The following JCAD variants were observed in gnomAD, a reference collection of about 807,000 sequenced individuals.
JCAD encodes junctional cadherin 5-associated protein.
Under a neutral mutation model 98.0 loss-of-function variants are expected in JCAD, and 40 were observed. The observed-to-expected ratio is 0.41, with a 90% CI of 0.32 to 0.53. JCAD has a LOEUF of 0.53. Ranked by LOEUF, JCAD falls within the 20% of genes least tolerant of loss-of-function variation. The pLI is 0.31. For missense variants in JCAD, 1,705 were observed against 1,738.1 expected (o/e 0.98, Z 0.34); for synonymous variants, 691 against 682.3 (o/e 1.01, Z -0.20).
intron 1 of JCAD, among the ~76,000 whole-genome samples, chr10:30,082,543 C>G (rs1838102890): frequency 6.6e-6 from 1 of 151,762 alleles, no homozygotes; most frequent in Non-Finnish European, 1.5e-5. Context: ...ATGGTGAAAC[C>G]CATCTCTACT....
chr10:30,025,722 T>C (rs1351634683), intron 3 of JCAD, among the ~76,000 whole-genome samples: 5 of 151,768 alleles, frequency 3.3e-5, no homozygotes, highest in Admixed American at 2.0e-4. Context: ...ATCTCGTCTC[T>C]ATAAAAAAAT....
In JCAD at chr10:30,028,076, GT is replaced by G; in HGVS notation, c.2071del (p.Thr691HisfsTer28). 6.2e-7 allele frequency: 1 copy of G among 1,614,262 alleles called. No individual in the cohort carries two copies. Reference sequence around the variant, plus strand: ...GGGCTCCTCGGAGAAACTGGTTTGTGTTTGCTGATCTCTGTACCGGTGCCCT... The same window carrying G: ...GGGCTCCTCGGAGAAACTGGTTTGTGTTGCTGATCTCTGTACCGGTGCCCT... ...WPGHRYRDQQ[T>X]QTSFSEEPQS... On this transcript the variant is annotated frameshift_variant, in exon 3 of 4. Transcript: ENST00000375377. LOFTEE classifies it high-confidence loss of function.
At chr10:30,097,250 T>C (rs991695829) in intron 1 of JCAD, among the ~76,000 whole-genome samples, 1 of 152,178 alleles carries the variant, frequency 6.6e-6, no homozygotes, top group African/African-American at 2.4e-5. Flanking sequence ...TAGCCACATG[T>C]GGCTAGTGGC....
intron 1 of JCAD, among the ~76,000 whole-genome samples, chr10:30,058,022 T>C (rs1462068130): frequency 6.6e-6 from 1 of 152,086 alleles, no homozygotes; most frequent in African/African-American, 2.4e-5. Flanking sequence ...ATTCCCAAAG[T>C]TTTACCTGTA....
Position 30,026,259 on chromosome 10 carries a change from C to T in JCAD, c.3889G>A (p.Gly1297Arg), listed in dbSNP as rs568224574. 7.7e-5 allele frequency: 125 copies of T among 1,613,944 alleles called. No homozygotes were observed. In the Admixed American group the frequency reaches 1.1e-3, roughly 15 times the overall value. ...ELKATTRGQA[G>R]LPGGLVSPGS... ...GGAGACACAAGGCCTCCCGGGAGCC[C>T]GGCCTGGCCCCTTGTGGTGGCCTTC... Residue 1297 changes from glycine to arginine, a missense_variant, in exon 3 of 4, where the codon GGG (glycine) becomes AGG (arginine). Gly to Arg is a moderately radical substitution (Grantham distance 125, BLOSUM62 -2). This residue lies in a region of JCAD where 1,278 missense variants were observed against 1,243.1 expected (regional missense o/e 1.03). Coordinates refer to ENST00000375377, the MANE Select transcript of JCAD (RefSeq NM_020848.4).
At chr10:30,098,865 T>C (rs1228730818) in intron 1 of JCAD, among the ~76,000 whole-genome samples, 1 of 152,250 alleles carries the variant, frequency 6.6e-6, no homozygotes, top group African/African-American at 2.4e-5. Flanking sequence ...CCTGATTTTT[T>C]TTAAACCTTT....
In JCAD at chr10:30,021,088, G is replaced by T. The variant is rs184722829; in HGVS notation, c.4046-3171C>A. ...GCTCACACCTTTTTAGTGGTCTTTT[G>T]TGCCAGGCACACTAGAGACACCTCC... is the stretch of plus-strand genomic sequence containing the variant. On this transcript the variant is annotated intron_variant, in intron 3 of 3. Coordinates refer to ENST00000375377, the MANE Select transcript of JCAD (RefSeq NM_020848.4). 3.9e-5 allele frequency among the ~76,000 whole-genome samples: 6 copies of T among 152,274 alleles called. No individual in the cohort carries two copies. The East Asian group carries it at 1.2e-3, about 29-fold the overall frequency.
upstream of JCAD, among the ~76,000 whole-genome samples, chr10:30,064,331 C>G (rs908371121): frequency 6.6e-6 from 1 of 152,132 alleles, no homozygotes; most frequent in African/African-American, 2.4e-5. Context: ...TCTGCAGAGT[C>G]CCCACCTGCA....
chr10:30,101,531 A>T (rs1838470680), intron 1 of JCAD, among the ~76,000 whole-genome samples: 1 of 151,978 alleles, frequency 6.6e-6, no homozygotes, highest in African/African-American at 2.4e-5. Flanking sequence ...TATTTATTTT[A>T]TTATTATTAA....
intron 2 of JCAD, 104 bp downstream of exon 2, chr10:30,047,428 T>A (rs995362469): frequency 2.2e-6 from 3 of 1,375,710 alleles, no homozygotes; most frequent in African/African-American, 2.9e-5. Flanking sequence ...CATTTCTCCC[T>A]CCTTGGCCCT....
intron 3 of JCAD, among the ~76,000 whole-genome samples, chr10:30,023,534 A>G (rs920906930): frequency 6.6e-5 from 10 of 152,294 alleles, no homozygotes; most frequent in Non-Finnish European, 1.2e-4. Context: ...TCACACAATG[A>G]CAAAACTGCT....
At chr10:30,091,702 C>T (rs1589714978) in intron 1 of JCAD, among the ~76,000 whole-genome samples, 1 of 137,150 alleles carries the variant, frequency 7.3e-6, no homozygotes, top group Non-Finnish European at 1.6e-5. Context: ...CTACTTTGGA[C>T]TAAGTTTTTA....
intron 3 of JCAD, among the ~76,000 whole-genome samples, chr10:30,024,782 G>A (rs969731364): frequency 2.9e-5 from 4 of 138,586 alleles, no homozygotes; most frequent in African/African-American, 1.1e-4. Context: ...CACAAGCTCC[G>A]CCTCCCAGGT....
intron 1 of JCAD, among the ~76,000 whole-genome samples, chr10:30,110,076 A>C (rs552952456): frequency 6.6e-6 from 1 of 151,892 alleles, no homozygotes; most frequent in East Asian, 1.9e-4. Context: ...TTGATGTATA[A>C]ACCCATGGAT....
rs562959399 is a variant in JCAD at position 30,073,045 on chromosome 10, C to A, written n.129-3224G>T. 2.0e-5 allele frequency among the ~76,000 whole-genome samples: 3 copies of A among 152,328 alleles called. No individual in the cohort carries two copies. The South Asian group carries it at 6.2e-4, about 32-fold the overall frequency. On this transcript the variant is annotated intron_variant and non_coding_transcript_variant, in intron 1 of 2. Transcript: ENST00000465712. Reference sequence around the variant, plus strand: ...GCTCTCTTAGGAACACCTGGTCACTCGCCCTGTAGATCTCATGAACTACAA... The same window carrying A: ...GCTCTCTTAGGAACACCTGGTCACTAGCCCTGTAGATCTCATGAACTACAA...
At chr10:30,042,458 C>T (rs932431874) in intron 2 of JCAD, among the ~76,000 whole-genome samples, 7 of 152,116 alleles carry the variant, frequency 4.6e-5, no homozygotes, top group East Asian at 3.9e-4. Flanking sequence ...CTAAGAGATG[C>T]GGGCAGTTGA....
intron 1 of JCAD, among the ~76,000 whole-genome samples, chr10:30,084,470 AT>A (rs1351005421): frequency 8.5e-5 from 13 of 152,294 alleles, no homozygotes; most frequent in Admixed American, 7.8e-4. Context: ...AGTACAGCAA[AT>A]CACCCTCCCT....
chr10:30,072,420 G>C (rs753787934), intron 1 of JCAD, among the ~76,000 whole-genome samples: 1 of 152,172 alleles, frequency 6.6e-6, no homozygotes, highest in Non-Finnish European at 1.5e-5. Context: ...CCTTCCTGCA[G>C]CATTTGTATA....
intron 1 of JCAD, among the ~76,000 whole-genome samples, chr10:30,083,965 T>G (rs975315485): frequency 6.7e-5 from 10 of 150,204 alleles, no homozygotes; most frequent in African/African-American, 2.5e-4. Flanking sequence ...GAGGCTGCAG[T>G]GAAGTATGAT....
Sources: gnomAD v4.1 joint callset for allele counts (sites outside exome capture counted in the v4.1 genomes callset) on GRCh38, gnomAD v4.1.1 for gene constraint, gnomAD v4.1.1 regional missense constraint, MANE v1.5 for transcripts, NCBI Gene and HGNC (gene_info 2026-07-23, HGNC 2026-07-21) for gene names.